The following ATRNL1 variants were observed in gnomAD, a reference collection of about 807,000 sequenced individuals.
ATRNL1 encodes the protein attractin-like protein 1.
A neutral mutation model predicts 182.7 loss-of-function variants in ATRNL1; 95 were observed. The observed-to-expected ratio is 0.52, with a 90% CI of 0.44 to 0.62. ATRNL1 has a LOEUF of 0.62. Ranked by LOEUF, ATRNL1 falls within the 20% of genes least tolerant of loss-of-function variation. The pLI is 0.00. For missense variants in ATRNL1, 1,471 were observed against 1,679.5 expected, an observed-to-expected ratio of 0.88 and a Z score of 2.17; for synonymous variants, 576 against 568.3, an observed-to-expected ratio of 1.01 and a Z score of -0.19.
chr10:115,433,394 A>C (rs1846256196), intron 21 of ATRNL1, among the ~76,000 whole-genome samples: 2 of 152,170 alleles, frequency 1.3e-5, no homozygotes, highest in African/African-American at 4.8e-5. Flanking sequence ...TGAATGTTTT[A>C]TATGACTTTT....
intron 19 of ATRNL1, among the ~76,000 whole-genome samples, chr10:115,388,835 ATAAT>A (rs1211687901): frequency 6.6e-6 from 1 of 152,088 alleles, no homozygotes; most frequent in African/African-American, 2.4e-5. Flanking sequence ...TTGACAAATA[ATAAT>A]TATATGTATT....
intron 26 of ATRNL1, among the ~76,000 whole-genome samples, chr10:115,715,104 T>A (rs1481312109): frequency 6.6e-6 from 1 of 152,126 alleles, no homozygotes; most frequent in African/African-American, 2.4e-5. Context: ...GCTGACTAAG[T>A]AAGAAATACA....
chr10:115,606,540 A>C (rs1856884864), intron 26 of ATRNL1, among the ~76,000 whole-genome samples: 1 of 152,048 alleles, frequency 6.6e-6, no homozygotes, highest in Admixed American at 6.6e-5. Flanking sequence ...TTTATGAAAA[A>C]GAAAACTCTT....
intron 1 of ATRNL1, among the ~76,000 whole-genome samples, chr10:115,101,507 A>G (rs923565944): frequency 2.2e-4 from 34 of 152,186 alleles, no homozygotes; most frequent in Admixed American, 9.2e-4. Context: ...AATTATGTAC[A>G]TAATTTTTGA....
intron 27 of ATRNL1, among the ~76,000 whole-genome samples, chr10:115,761,025 CT>C (rs1481627723): frequency 6.6e-6 from 1 of 152,174 alleles, no homozygotes; most frequent in Non-Finnish European, 1.5e-5. Flanking sequence ...CATAGGCAGC[CT>C]TTCATGCTGC....
intron 20 of ATRNL1, among the ~76,000 whole-genome samples, chr10:115,415,719 CATTT>C (rs1317904058): frequency 9.2e-5 from 14 of 151,532 alleles, no homozygotes; most frequent in African/African-American, 3.4e-4. Flanking sequence ...ATTTATGCTT[CATTT>C]AGAGTTTTAT....
chr10:115,457,038 G>C (rs1010263298), intron 21 of ATRNL1, among the ~76,000 whole-genome samples: 7 of 152,118 alleles, frequency 4.6e-5, no homozygotes, highest in Non-Finnish European at 7.4e-5. Flanking sequence ...TGGTGAATGG[G>C]AGGGTTACAG....
chr10:115,742,878 C>A (rs987374526), intron 27 of ATRNL1, among the ~76,000 whole-genome samples: 1 of 152,106 alleles, frequency 6.6e-6, no homozygotes, highest in Admixed American at 6.6e-5. Context: ...TAAAGACATA[C>A]CCCAGACTGG....
intron 21 of ATRNL1, among the ~76,000 whole-genome samples, chr10:115,456,471 C>T (rs1847527585): frequency 6.6e-6 from 1 of 152,036 alleles, no homozygotes; most frequent in Admixed American, 6.6e-5. Flanking sequence ...ACATCACACA[C>T]CAGGGCCTGT....
At chr10:115,374,489 T>TTCC (rs1333570942) in intron 19 of ATRNL1, among the ~76,000 whole-genome samples, 14 of 96,584 alleles carry the variant, frequency 1.4e-4, no homozygotes, top group Middle Eastern at 6.0e-3. Context: ...TCCTTCCTTC[T>TTCC]TTCCTTCCTT....
chr10:115,809,307 A>G (rs994896661), intron 27 of ATRNL1, among the ~76,000 whole-genome samples: 3 of 40,480 alleles, frequency 7.4e-5, no homozygotes, highest in African/African-American at 3.0e-4. Context: ...GCTATTCTAG[A>G]TCCTCTGCAT....
At position 115,121,834 on chromosome 10, in the gene ATRNL1, G is replaced by C. The variant is rs781799843; in HGVS notation, c.491+22G>C. The C allele has an allele frequency of 3.3e-6, 4 of 1,215,624 alleles. No homozygotes were observed. In the South Asian group the frequency reaches 5.7e-5, roughly 17 times the overall value. The allele number at this position is 1,215,624 out of a possible 1,614,324, so 75.3% of individuals were successfully genotyped here. A position where few individuals can be genotyped will look rare whatever the true frequency, so the allele number is the denominator to read the frequency against. ...TTAGGTGAGTAATTATATTTAATCA[G>C]TTGCAGAAAAGTGACTGTGTAATTG... On this transcript the variant is annotated intron_variant, in intron 3 of 28. Coordinates refer to ENST00000355044, the MANE Select transcript of ATRNL1 (RefSeq NM_207303.4).
intron 19 of ATRNL1, among the ~76,000 whole-genome samples, chr10:115,373,841 G>GT (rs1254587881): frequency 7.3e-5 from 11 of 151,694 alleles, no homozygotes; most frequent in African/African-American, 2.7e-4. Context: ...TTATCTTAGT[G>GT]TTCTTTTCTG....
intron 28 of ATRNL1, among the ~76,000 whole-genome samples, chr10:115,921,092 T>C (rs1411013498): frequency 1.3e-5 from 2 of 152,130 alleles, no homozygotes; most frequent in Non-Finnish European, 2.9e-5. Context: ...TTAGAAGACA[T>C]TTTTGGAGTT....
intron 1 of ATRNL1, among the ~76,000 whole-genome samples, chr10:115,095,924 T>C (rs2085000610): frequency 1.3e-5 from 2 of 152,190 alleles, no homozygotes; most frequent in Admixed American, 1.3e-4. Context: ...GAGGACAAAA[T>C]TTGCTGCAGT....
intron 19 of ATRNL1, among the ~76,000 whole-genome samples, chr10:115,368,914 A>G (rs1554947113): frequency 6.6e-6 from 1 of 151,898 alleles, no homozygotes; most frequent in African/African-American, 2.4e-5. Flanking sequence ...GGGTTTCACC[A>G]TGTTGGTAAA....
intron 10 of ATRNL1, among the ~76,000 whole-genome samples, chr10:115,254,316 A>ATG (rs1851018109): frequency 6.6e-6 from 1 of 152,108 alleles, no homozygotes; most frequent in Non-Finnish European, 1.5e-5. Flanking sequence ...TGACTTTTTA[A>ATG]TGATTGCCAT....
chr10:115,150,965 C>T (rs145032594), intron 5 of ATRNL1, among the ~76,000 whole-genome samples: 1,612 of 152,152 alleles, frequency 0.011, 14 homozygotes, highest in African/African-American at 0.027. Context: ...AGTGAGAACA[C>T]GCAGTGTTTG....
At chr10:115,259,821 A>C (rs1485045657) in intron 10 of ATRNL1, among the ~76,000 whole-genome samples, 1 of 152,098 alleles carries the variant, frequency 6.6e-6, no homozygotes, top group Non-Finnish European at 1.5e-5. Flanking sequence ...TTTCATTGCT[A>C]ATCAAATGCC....
Sources: allele counts gnomAD v4.1 joint callset (sites outside exome capture counted in the v4.1 genomes callset), GRCh38; gene constraint gnomAD v4.1.1; transcripts MANE v1.5; gene names NCBI Gene and HGNC (gene_info 2026-07-23, HGNC 2026-07-21).